MAP4K3: variants seen among roughly 807,000 people sequenced by gnomAD.
MAP4K3 encodes the protein MAPK/ERK kinase kinase kinase 3.
In MAP4K3, 94 loss-of-function variants were observed where a neutral mutation model predicts 143.5. The ratio of observed to expected loss-of-function variants is 0.65; its 90% CI spans 0.55 to 0.78. The LOEUF is 0.78. MAP4K3 is among the 30% of genes least tolerant of loss of function. The pLI, the probability that MAP4K3 is intolerant of heterozygous loss-of-function variation, is 0.00. For synonymous variants in MAP4K3, 416 were observed against 347.2 expected, an observed-to-expected ratio of 1.20 and a Z score of -2.20; for missense variants, 1,077 against 1,068.1, an observed-to-expected ratio of 1.01 and a Z score of -0.12.
At chr2:39,266,346 C>T (rs1250418360) in intron 27 of MAP4K3, among the ~76,000 whole-genome samples, 1 of 152,242 alleles carries the variant, frequency 6.6e-6, no homozygotes, top group Non-Finnish European at 1.5e-5. Context: ...ACTGCTACTG[C>T]TCTAGCACAA....
chr2:39,316,619 C>G (rs1195027545), intron 12 of MAP4K3, among the ~76,000 whole-genome samples: 1 of 151,836 alleles, frequency 6.6e-6, no homozygotes, highest in African/African-American at 2.4e-5. Context: ...TTAAATGAGG[C>G]CAGGGAATGA....
At chr2:39,318,962 T>C (rs1003132571) in intron 12 of MAP4K3, among the ~76,000 whole-genome samples, 9 of 152,130 alleles carry the variant, frequency 5.9e-5, no homozygotes, top group Non-Finnish European at 1.5e-5. Context: ...TGAGGAGACA[T>C]TTGGCAATAT....
At chr2:39,333,734 T>A (rs923207209) in intron 6 of MAP4K3, among the ~76,000 whole-genome samples, 160 bp from the exon 7 acceptor site, 1 of 152,128 alleles carries the variant, frequency 6.6e-6, no homozygotes, top group African/African-American at 2.4e-5. Flanking sequence ...CATAGGTAAA[T>A]CTACTGTCCA....
chr2:39,357,584 T>C (rs925722463), intron 2 of MAP4K3, among the ~76,000 whole-genome samples: 5 of 152,198 alleles, frequency 3.3e-5, no homozygotes, highest in African/African-American at 1.2e-4. Flanking sequence ...AGTTGTTATG[T>C]TGGGTTCTTA....
At chr2:39,387,872 C>A (rs1457383672) in intron 1 of MAP4K3, among the ~76,000 whole-genome samples, 1 of 152,124 alleles carries the variant, frequency 6.6e-6, no homozygotes, top group Non-Finnish European at 1.5e-5. Context: ...ATTTCTAGGA[C>A]TACCTGGTCC....
chr2:39,263,681 A>C (rs781108637), intron 28 of MAP4K3, among the ~76,000 whole-genome samples: 1 of 152,164 alleles, frequency 6.6e-6, no homozygotes. Flanking sequence ...AAAAGGGAGA[A>C]GAGTGATTAA....
intron 12 of MAP4K3, among the ~76,000 whole-genome samples, chr2:39,320,282 G>A (rs753979958): frequency 2.0e-5 from 3 of 152,096 alleles, no homozygotes; most frequent in African/African-American, 4.8e-5. Context: ...AAAAATCTGC[G>A]TCAACTCCTT....
intron 1 of MAP4K3, among the ~76,000 whole-genome samples, chr2:39,410,941 T>G (rs1443140943): frequency 6.6e-6 from 1 of 152,186 alleles, no homozygotes; most frequent in East Asian, 1.9e-4. Flanking sequence ...TAATCTACAT[T>G]AGCATTAAAT....
intron 7 of MAP4K3, 38 bp from the exon 8 acceptor site, chr2:39,332,027 G>A: frequency 6.6e-6 from 8 of 1,215,742 alleles, no homozygotes; most frequent in African/African-American, 4.5e-5. Context: ...GAAACTGAGA[G>A]AAAATAAAAT....
intron 18 of MAP4K3, among the ~76,000 whole-genome samples, chr2:39,290,617 T>C (rs1282634656): frequency 6.6e-6 from 1 of 151,648 alleles, no homozygotes; most frequent in African/African-American, 2.4e-5. Flanking sequence ...GTTGATCTCA[T>C]AGAAGTAAAA....
chr2:39,326,410 G>T, intron 8 of MAP4K3, 133 bp from the exon 9 acceptor site: 1 of 840,278 alleles, frequency 1.2e-6, no homozygotes, highest in Non-Finnish European at 1.8e-6. Context: ...AAATAAATAT[G>T]CAGTACTTAA....
intron 1 of MAP4K3, among the ~76,000 whole-genome samples, chr2:39,424,372 C>A (rs1293804890): frequency 1.3e-5 from 2 of 152,066 alleles, no homozygotes; most frequent in African/African-American, 2.4e-5. Flanking sequence ...GGAAGGAAGT[C>A]TAGTGGATCT....
intron 24 of MAP4K3, among the ~76,000 whole-genome samples, chr2:39,277,582 G>C (rs577244315): frequency 1.3e-5 from 2 of 149,860 alleles, no homozygotes; most frequent in Admixed American, 1.3e-4. Flanking sequence ...TTTTTTTTTT[G>C]AGGTGGAGTT....
chr2:39,261,691 T>G (rs10865148), intron 28 of MAP4K3, among the ~76,000 whole-genome samples: 105,405 of 152,070 alleles, frequency 0.69, 40,280 homozygotes, highest in Non-Finnish European at 0.85. Context: ...CAGATAAAAT[T>G]ACGGCACATT....
intron 2 of MAP4K3, among the ~76,000 whole-genome samples, chr2:39,376,252 G>C (rs1463841577): frequency 6.6e-6 from 1 of 152,158 alleles, no homozygotes; most frequent in Non-Finnish European, 1.5e-5. Flanking sequence ...CTATGGGCTG[G>C]AATTTTATGA....
chr2:39,325,738 A>C lies in MAP4K3; in HGVS notation c.799T>G (p.Leu267Val). The change falls in exon 11 of 34, where the codon TTA becomes GTA. Residue 267 changes from leucine to valine, a missense_variant. Physicochemically the swap from Leu to Val is conservative, Grantham distance 32. This residue lies in a region of MAP4K3 where 864 missense variants were observed against 801.2 expected (regional missense o/e 1.08). Coordinates refer to ENST00000263881, the MANE Select transcript of MAP4K3 (RefSeq NM_003618.4). ...NPKKRPTAEK[L>V]LQHPFVTQHL... The stretch of plus-strand genomic sequence containing the variant: ...CAGGGCAAAAATAATACCTGTAATA[A>C]TTTTTCAGCAGTAGGTCTTTTTTTC... The C allele has an allele frequency of 6.2e-7, 1 of 1,606,840 alleles. No individual in the cohort carries two copies. The highest frequency in any genetic ancestry group is 1.1e-5 in the South Asian group (1 of 89,524).
intron 2 of MAP4K3, among the ~76,000 whole-genome samples, chr2:39,371,777 G>C (rs910042770): frequency 1.3e-5 from 2 of 151,872 alleles, no homozygotes; most frequent in African/African-American, 4.8e-5. Context: ...GTTAAGAAGA[G>C]CTAAGAAGGT....
intron 12 of MAP4K3, chr2:39,323,761 G>C (rs1343704151): frequency 6.6e-6 from 1 of 151,798 alleles, no homozygotes; most frequent in Non-Finnish European, 1.5e-5. Context: ...CAGACTACTA[G>C]ATAAGTAAAA....
intron 2 of MAP4K3, among the ~76,000 whole-genome samples, chr2:39,375,248 C>T (rs775433861): frequency 6.6e-6 from 1 of 152,078 alleles, no homozygotes; most frequent in African/African-American, 2.4e-5. Context: ...TACAGTGACA[C>T]TGTCTCTTAA....
Sources: gnomAD v4.1 joint callset for allele counts (sites outside exome capture counted in the v4.1 genomes callset) on GRCh38, gnomAD v4.1.1 for gene constraint, gnomAD v4.1.1 regional missense constraint, MANE v1.5 for transcripts, NCBI Gene and HGNC (gene_info 2026-07-23, HGNC 2026-07-21) for gene names.